The following PACSIN2 variants were observed in gnomAD, a reference collection of about 807,000 sequenced individuals.
PACSIN2 encodes the protein protein kinase C and casein kinase substrate in neurons protein 2.
In PACSIN2, 25 loss-of-function variants were observed where a neutral mutation model predicts 63.8. The ratio of observed to expected loss-of-function variants is 0.39; its 90% CI spans 0.29 to 0.55. PACSIN2 has a LOEUF of 0.55. Ranked by LOEUF, PACSIN2 falls within the 20% of genes least tolerant of loss-of-function variation. The pLI, the probability that PACSIN2 is intolerant of heterozygous loss-of-function variation, is 0.62. For missense variants in PACSIN2, 518 were observed against 646.9 expected, an observed-to-expected ratio of 0.80 and a Z score of 2.16; for synonymous variants, 255 against 256.2, an observed-to-expected ratio of 1.00 and a Z score of 0.05.
At chr22:43,010,378 A>G (rs1166614181) in intron 1 of PACSIN2, among the ~76,000 whole-genome samples, 1 of 99,394 alleles carries the variant, frequency 1.0e-5, no homozygotes, top group African/African-American at 5.0e-5. Flanking sequence ...ATCTCTGTTT[A>G]AAAATACATA....
chr22:42,907,955 G>T (rs951170134), intron 2 of PACSIN2, among the ~76,000 whole-genome samples: 26 of 152,264 alleles, frequency 1.7e-4, no homozygotes, highest in Non-Finnish European at 2.9e-5. Flanking sequence ...CCGACTCAGA[G>T]CAAGTTGCAA....
intron 5 of PACSIN2, among the ~76,000 whole-genome samples, chr22:42,886,279 GCCTTCAC>G (rs895923519): frequency 2.6e-5 from 4 of 152,208 alleles, no homozygotes; most frequent in Admixed American, 1.3e-4. Flanking sequence ...ACAAGAGGCG[GCCTTCAC>G]CCTTAGGTGG....
intron 1 of PACSIN2, among the ~76,000 whole-genome samples, chr22:43,010,398 A>ATATATATATTTTTTTTTTTT: frequency 6.3e-5 from 8 of 126,396 alleles, no homozygotes; most frequent in Admixed American, 8.5e-5. Flanking sequence ...ATATATATAT[A>ATATATATATTTTTTTTTTTT]TTTTTTTTTA....
At position 42,876,342 on chromosome 22, in the gene PACSIN2, A is replaced by C. The variant is rs1427713193; in HGVS notation, c.1152-9T>G. 6.2e-7 allele frequency: 1 copy of C among 1,611,954 alleles called. No individual in the cohort carries two copies. Among genetic ancestry groups the C allele is most frequent in the East Asian group, 2.2e-5 (1 of 44,778 alleles). ...TCTCGTAGCTGCTCACACTGCAAGA[A>C]AGGGGAGGCCACAGGGCCCTCAGCA... On this transcript the variant is annotated splice_polypyrimidine_tract_variant and intron_variant, in intron 9 of 10. Transcript: ENST00000263246.
intron 1 of PACSIN2, among the ~76,000 whole-genome samples, chr22:42,980,314 G>A (rs1458964113): frequency 6.6e-6 from 1 of 152,180 alleles, no homozygotes. Flanking sequence ...AAGAGTTCAA[G>A]AACAGCCTGA....
At chr22:42,885,051 A>C (rs1248972721) in intron 5 of PACSIN2, among the ~76,000 whole-genome samples, 2 of 152,202 alleles carry the variant, frequency 1.3e-5, no homozygotes, top group Non-Finnish European at 2.9e-5. Flanking sequence ...CATTCAAAAA[A>C]AGTCCTCCTT....
intron 1 of PACSIN2, among the ~76,000 whole-genome samples, chr22:42,947,845 C>T (rs1438650089): frequency 6.6e-6 from 1 of 152,202 alleles, no homozygotes; most frequent in Non-Finnish European, 1.5e-5. Context: ...GGACCTTCCA[C>T]AAGCATTGGC....
chr22:43,004,054 G>A (rs886990568), intron 1 of PACSIN2, among the ~76,000 whole-genome samples: 5 of 152,206 alleles, frequency 3.3e-5, no homozygotes, highest in Admixed American at 1.3e-4. Context: ...TTTCTCAGAG[G>A]TGGGGGAGAA....
chr22:42,934,132 C>T (rs1405700975), intron 1 of PACSIN2, among the ~76,000 whole-genome samples: 1 of 152,184 alleles, frequency 6.6e-6, no homozygotes, highest in Admixed American at 6.5e-5. Context: ...CTAATTTTAC[C>T]AGCAAGTTGA....
intron 1 of PACSIN2, among the ~76,000 whole-genome samples, chr22:42,921,152 G>C (rs1932166402): frequency 6.6e-6 from 1 of 151,962 alleles, no homozygotes; most frequent in South Asian, 2.1e-4. Context: ...GAGGTCAGGA[G>C]ATAGAGACCA....
intron 1 of PACSIN2, among the ~76,000 whole-genome samples, chr22:42,923,215 T>C (rs1026085241): frequency 3.9e-5 from 6 of 152,216 alleles, no homozygotes; most frequent in African/African-American, 1.4e-4. Context: ...TGTAGCTGTA[T>C]GCACTGTTGC....
At chr22:42,963,501 A>G (rs1343065840) in intron 1 of PACSIN2, among the ~76,000 whole-genome samples, 1 of 152,216 alleles carries the variant, frequency 6.6e-6, no homozygotes, top group Non-Finnish European at 1.5e-5. Flanking sequence ...ACTCAAAGAC[A>G]GGACAGGATC....
chr22:42,938,871 T>C (rs543884627), intron 1 of PACSIN2, among the ~76,000 whole-genome samples: 1 of 147,922 alleles, frequency 6.8e-6, no homozygotes, highest in African/African-American at 2.7e-5. Context: ...AAAAATGCTG[T>C]CTGTGACAAA....
intron 4 of PACSIN2, 112 bp from the exon 5 acceptor site, chr22:42,888,910 G>C: frequency 1.9e-6 from 2 of 1,076,522 alleles, no homozygotes; most frequent in Non-Finnish European, 2.8e-6. Flanking sequence ...GAAAAAGGCA[G>C]GTACAAAATT....
chr22:42,994,234 G>A (rs1315814633), intron 1 of PACSIN2, among the ~76,000 whole-genome samples: 1 of 152,204 alleles, frequency 6.6e-6, no homozygotes, highest in Admixed American at 6.5e-5. Context: ...TGGTAAGAAG[G>A]GCTGAGCAGG....
At chr22:42,964,636 C>T (rs1920938119) in intron 1 of PACSIN2, among the ~76,000 whole-genome samples, 1 of 152,130 alleles carries the variant, frequency 6.6e-6, no homozygotes, top group South Asian at 2.1e-4. Flanking sequence ...TGGCACAGGG[C>T]AGGCTCTACA....
chr22:42,898,327 A>G (rs1438109485), intron 2 of PACSIN2, among the ~76,000 whole-genome samples: 6 of 150,396 alleles, frequency 4.0e-5, no homozygotes, highest in African/African-American at 9.8e-5. Flanking sequence ...GCTGGAGTGC[A>G]ATGGTGCGAT....
chr22:42,913,961 C>T (rs1429566843), intron 1 of PACSIN2, among the ~76,000 whole-genome samples: 1 of 152,234 alleles, frequency 6.6e-6, no homozygotes, highest in African/African-American at 2.4e-5. Flanking sequence ...AAGGTAAACA[C>T]ACTGCTGTGC....
rs1178259122 is a variant in PACSIN2 at position 42,982,629 on chromosome 22, A to G, written c.-78+32392T>C. Among the ~76,000 whole-genome samples, 4 of 126,590 alleles carry G rather than the reference A, an allele frequency of 3.2e-5. No individual in the cohort carries two copies. In the Admixed American group the frequency reaches 3.6e-4, roughly 11 times the overall value. The allele number at this position is 126,590 out of a possible 152,430, so 83.0% of individuals were successfully genotyped here. A position where few individuals can be genotyped will look rare whatever the true frequency, so the allele number is the denominator to read the frequency against. On this transcript the variant is annotated intron_variant, in intron 1 of 10. Coordinates refer to ENST00000263246, the MANE Select transcript of PACSIN2 (RefSeq NM_001184970.3). The stretch of plus-strand genomic sequence containing the variant: ...TGTGTCACTCAGGGTTAAATGGATT[A>G]AGGGCGGTGCAAGATGTGCTTTGTT...
Sources: allele counts gnomAD v4.1 joint callset (sites outside exome capture counted in the v4.1 genomes callset), GRCh38; gene constraint gnomAD v4.1.1; transcripts MANE v1.5; gene names NCBI Gene and HGNC (gene_info 2026-07-23, HGNC 2026-07-21).